Variants in CDH18 observed in about 807,000 individuals in gnomAD.
CDH18 encodes cadherin 18, also known as cadherin-18.
A neutral mutation model predicts 67.9 loss-of-function variants in CDH18; 31 were observed. The ratio of observed to expected loss-of-function variants is 0.46; its 90% CI spans 0.34 to 0.62. CDH18 has a LOEUF of 0.62. Among genes scored for constraint, CDH18 ranks in the 20% least tolerant of loss-of-function variants. The probability of loss-of-function intolerance (pLI) is 0.01; values close to 1 mark genes in which losing one functional copy is unlikely to be tolerated. For missense variants in CDH18, 890 were observed against 975.5 expected, an observed-to-expected ratio of 0.91 and a Z score of 1.17; for synonymous variants, 362 against 347.2, an observed-to-expected ratio of 1.04 and a Z score of -0.48.
chr5:20,448,717 A>G (rs966637702), intron 1 of CDH18, among the ~76,000 whole-genome samples: 1 of 152,142 alleles, frequency 6.6e-6, no homozygotes, highest in East Asian at 1.9e-4. Flanking sequence ...CATGGAATCT[A>G]TATCTGACCA....
In CDH18 at chr5:20,548,740, T is replaced by C. The variant is rs74333156; in HGVS notation, c.-580+26722A>G. Among the ~76,000 whole-genome samples, 121 of 152,254 alleles carry C rather than the reference T, an allele frequency of 7.9e-4. 1 individual carries two copies. The East Asian group carries it at 0.021, about 27-fold the overall frequency. ...CTACATAACTACTGCTAAACTTTACTTGTCAGTTGAAATTGTGATGTAGTC... is the reference window on the plus strand; with the variant it reads ...CTACATAACTACTGCTAAACTTTACCTGTCAGTTGAAATTGTGATGTAGTC... On this transcript the variant is annotated intron_variant, in intron 1 of 14. Coordinates refer to the CDH18 transcript ENST00000507958.
chr5:20,212,666 C>A (rs1412541654), intron 2 of CDH18, among the ~76,000 whole-genome samples: 1 of 151,358 alleles, frequency 6.6e-6, no homozygotes, highest in African/African-American at 2.4e-5. Context: ...AATTCATATC[C>A]GGCCGAACTA....
chr5:19,585,215 T>G (rs970500722), intron 7 of CDH18, among the ~76,000 whole-genome samples: 4 of 152,176 alleles, frequency 2.6e-5, no homozygotes, highest in African/African-American at 9.7e-5. Flanking sequence ...CCTTTGTTTT[T>G]CAGACCTCTA....
chr5:20,267,259 T>A (rs1253261569), intron 1 of CDH18, among the ~76,000 whole-genome samples: 5 of 152,208 alleles, frequency 3.3e-5, no homozygotes, highest in Admixed American at 6.5e-5. Flanking sequence ...GTGGCTCCAT[T>A]TCTGGATTCT....
intron 2 of CDH18, among the ~76,000 whole-genome samples, chr5:20,022,476 A>C (rs1738515002): frequency 6.6e-6 from 1 of 152,232 alleles, no homozygotes. Flanking sequence ...ATCTTAAATA[A>C]ATACACAAGA....
chr5:20,032,900 A>G (rs1406493902), intron 2 of CDH18, among the ~76,000 whole-genome samples: 2 of 152,064 alleles, frequency 1.3e-5, no homozygotes, highest in Non-Finnish European at 2.9e-5. Flanking sequence ...TGAAAGATTC[A>G]GGGTTCACTT....
chr5:19,527,221 G>C (rs1309195131), intron 9 of CDH18, among the ~76,000 whole-genome samples: 1 of 151,714 alleles, frequency 6.6e-6, no homozygotes, highest in Non-Finnish European at 1.5e-5. Context: ...AAGTGTATTT[G>C]TTTGATTTGA....
At chr5:19,990,175 A>G (rs1242347067), upstream of CDH18, among the ~76,000 whole-genome samples, 1 of 152,222 alleles carries the variant, frequency 6.6e-6, no homozygotes, top group Non-Finnish European at 1.5e-5. Context: ...GCTATGAAAA[A>G]TAAAAGGGAT....
intron 1 of CDH18, among the ~76,000 whole-genome samples, chr5:20,531,945 A>G (rs1447758965): frequency 6.6e-6 from 1 of 152,114 alleles, no homozygotes; most frequent in Non-Finnish European, 1.5e-5. Flanking sequence ...GTAAGTTCAT[A>G]TATTTTCATC....
chr5:20,483,770 C>G (rs1752984875), intron 1 of CDH18, among the ~76,000 whole-genome samples: 1 of 151,752 alleles, frequency 6.6e-6, no homozygotes, highest in South Asian at 2.1e-4. Flanking sequence ...CCATATAGAT[C>G]AGTTCAATCA....
At chr5:19,929,544 T>C (rs1436494033) in intron 2 of CDH18, among the ~76,000 whole-genome samples, 3 of 152,202 alleles carry the variant, frequency 2.0e-5, no homozygotes, top group Middle Eastern at 3.4e-3. Context: ...TCAGAGTATT[T>C]TCATACCCTT....
chr5:19,821,578 G>A (rs1461513712), intron 3 of CDH18, among the ~76,000 whole-genome samples: 1 of 151,968 alleles, frequency 6.6e-6, no homozygotes, highest in Non-Finnish European at 1.5e-5. Context: ...TTGCTAGAGA[G>A]GTAGACAAGC....
chr5:20,097,111 T>G (rs2150571029), intron 2 of CDH18, among the ~76,000 whole-genome samples: 1 of 152,322 alleles, frequency 6.6e-6, no homozygotes, highest in Admixed American at 6.5e-5. Flanking sequence ...ACCTCCAGAT[T>G]GCACATGATC....
At chr5:19,850,960 A>T (rs537411774) in intron 2 of CDH18, among the ~76,000 whole-genome samples, 70 of 151,998 alleles carry the variant, frequency 4.6e-4, no homozygotes, top group African/African-American at 1.6e-3. Context: ...TGCATAACAT[A>T]GTCATTCAAA....
intron 3 of CDH18, among the ~76,000 whole-genome samples, chr5:19,827,624 C>T (rs1032193331): frequency 1.3e-5 from 2 of 152,072 alleles, no homozygotes; most frequent in Non-Finnish European, 2.9e-5. Context: ...AGTAAACAGG[C>T]TACTCCTGAA....
intron 1 of CDH18, among the ~76,000 whole-genome samples, chr5:20,367,007 C>G (rs975059984): frequency 2.0e-5 from 3 of 152,092 alleles, no homozygotes; most frequent in Non-Finnish European, 4.4e-5. Context: ...CTCTGCCAGC[C>G]TCAAGTCCAC....
intron 3 of CDH18, among the ~76,000 whole-genome samples, chr5:19,789,808 T>G (rs1776175272): frequency 6.6e-6 from 1 of 151,972 alleles, no homozygotes; most frequent in Non-Finnish European, 1.5e-5. Flanking sequence ...AGTTATAAAT[T>G]AGCAATGTGA....
chr5:20,524,852 G>A (rs1755951965), intron 1 of CDH18, among the ~76,000 whole-genome samples: 1 of 152,084 alleles, frequency 6.6e-6, no homozygotes, highest in Non-Finnish European at 1.5e-5. Flanking sequence ...ACTCAGTAAA[G>A]GCCTGCTGTT....
chr5:19,877,182 G>A (rs1464996966), intron 2 of CDH18, among the ~76,000 whole-genome samples: 13 of 151,908 alleles, frequency 8.6e-5, no homozygotes, highest in Admixed American at 8.5e-4. Context: ...TACAGTTTTG[G>A]TAAGATTTCA....
Sources: allele counts gnomAD v4.1 joint callset (sites outside exome capture counted in the v4.1 genomes callset), GRCh38; gene constraint gnomAD v4.1.1; transcripts MANE v1.5; gene names NCBI Gene and HGNC (gene_info 2026-07-23, HGNC 2026-07-21).